NTM: variants seen among roughly 807,000 people sequenced by gnomAD.
NTM encodes neurotrimin.
A neutral mutation model predicts 42.1 loss-of-function variants in NTM; 13 were observed. The ratio of observed to expected loss-of-function variants is 0.31; its 90% CI spans 0.20 to 0.49. The LOEUF is 0.49. Ranked by LOEUF, NTM falls within the 20% of genes least tolerant of loss-of-function variation. NTM has a pLI of 0.99. For synonymous variants in NTM, 187 were observed against 179.2 expected (o/e 1.04, Z -0.35); for missense variants, 373 against 452.8 (o/e 0.82, Z 1.60).
At chr11:131,971,022 C>T (rs1039991298) in intron 2 of NTM, among the ~76,000 whole-genome samples, 2 of 152,196 alleles carry the variant, frequency 1.3e-5, no homozygotes, top group East Asian at 3.8e-4. Flanking sequence ...CTAACCCAAA[C>T]AAGCCTATGA....
chr11:131,613,309 G>A (rs560785626), intron 1 of NTM, among the ~76,000 whole-genome samples: 25 of 152,070 alleles, frequency 1.6e-4, no homozygotes, highest in South Asian at 4.2e-4. Flanking sequence ...GCCTGACTTC[G>A]TAGTTTGCCC....
intron 1 of NTM, among the ~76,000 whole-genome samples, chr11:131,572,126 G>A (rs371406948): frequency 7.0e-4 from 107 of 152,240 alleles, no homozygotes; most frequent in African/African-American, 2.4e-3. Flanking sequence ...GTGTGTAGCC[G>A]GGTGCCCTCT....
intron 3 of NTM, among the ~76,000 whole-genome samples, chr11:132,166,844 C>G (rs149804702): frequency 6.6e-6 from 1 of 152,194 alleles, no homozygotes; most frequent in Non-Finnish European, 1.5e-5. Context: ...TTTCTGGATC[C>G]TGCCTGCCTC....
intron 3 of NTM, among the ~76,000 whole-genome samples, chr11:132,150,413 G>A (rs2071605776): frequency 6.6e-6 from 1 of 152,156 alleles, no homozygotes; most frequent in South Asian, 2.1e-4. Flanking sequence ...GAGAACATTT[G>A]TGTGAACTTC....
intron 1 of NTM, among the ~76,000 whole-genome samples, chr11:131,793,101 A>G (rs1401444796): frequency 1.3e-5 from 2 of 152,194 alleles, no homozygotes. Context: ...TAGTATTTCC[A>G]TGATCGATCT....
intron 2 of NTM, among the ~76,000 whole-genome samples, chr11:131,993,866 G>A (rs148122659): frequency 0.027 from 4,090 of 151,890 alleles, 112 homozygotes; most frequent in Admixed American, 0.068. Context: ...AGCTGGGTGC[G>A]GTGGTGTGTG....
At chr11:132,278,307 C>T (rs368040134) in intron 4 of NTM, among the ~76,000 whole-genome samples, 16 of 152,340 alleles carry the variant, frequency 1.1e-4, no homozygotes, top group Middle Eastern at 3.4e-3. Flanking sequence ...AGGGATCAAC[C>T]TATCTCTGTT....
At chr11:131,401,347 G>A (rs1362626638) in intron 1 of NTM, among the ~76,000 whole-genome samples, 1 of 151,924 alleles carries the variant, frequency 6.6e-6, no homozygotes, top group African/African-American at 2.4e-5. Flanking sequence ...TGTTTCCTTG[G>A]GTGAAAACAT....
At chr11:131,777,871 T>A (rs952464266) in intron 1 of NTM, among the ~76,000 whole-genome samples, 3 of 152,312 alleles carry the variant, frequency 2.0e-5, no homozygotes, top group South Asian at 4.1e-4. Flanking sequence ...AATTGATAAT[T>A]GCCTATGGGA....
intron 3 of NTM, among the ~76,000 whole-genome samples, chr11:132,153,132 T>C (rs1017378634): frequency 1.3e-5 from 2 of 152,166 alleles, no homozygotes; most frequent in African/African-American, 4.8e-5. Context: ...TCTTACCCCT[T>C]AGGTGCTTTT....
At chr11:131,874,001 A>ATAT (rs2048183426) in intron 1 of NTM, among the ~76,000 whole-genome samples, 3 of 80,370 alleles carry the variant, frequency 3.7e-5, no homozygotes, top group East Asian at 4.3e-4. Flanking sequence ...TATTATATTT[A>ATAT]CATATAATAT....
chr11:132,265,864 A>G (rs2093152363), intron 4 of NTM, among the ~76,000 whole-genome samples: 2 of 152,222 alleles, frequency 1.3e-5, no homozygotes, highest in Admixed American at 1.3e-4. Flanking sequence ...AGAGGAGTTA[A>G]GTAGAAAGCC....
chr11:131,684,320 G>A (rs750693286), intron 1 of NTM, among the ~76,000 whole-genome samples: 85 of 152,234 alleles, frequency 5.6e-4, no homozygotes, highest in East Asian at 3.9e-4. Flanking sequence ...GGCAAGTGAC[G>A]TCTCTGAGAT....
intron 1 of NTM, among the ~76,000 whole-genome samples, chr11:131,747,816 G>C (rs1591574590): frequency 6.6e-6 from 1 of 152,214 alleles, no homozygotes; most frequent in South Asian, 2.1e-4. Context: ...ACATTGTATT[G>C]TCTTTGCATA....
intron 5 of NTM, among the ~76,000 whole-genome samples, chr11:132,309,063 C>T (rs2095195544): frequency 6.6e-6 from 1 of 152,204 alleles, no homozygotes. Flanking sequence ...GGGAGAAACA[C>T]TGCTTTTCGT....
intron 2 of NTM, among the ~76,000 whole-genome samples, chr11:131,938,511 C>T (rs889047861): frequency 2.0e-5 from 3 of 152,194 alleles, no homozygotes; most frequent in Non-Finnish European, 2.9e-5. Flanking sequence ...TTGTGCCAGG[C>T]CTTGCTGGCA....
intron 1 of NTM, among the ~76,000 whole-genome samples, chr11:131,455,774 T>C (rs756888284): frequency 6.6e-6 from 1 of 152,178 alleles, no homozygotes; most frequent in Non-Finnish European, 1.5e-5. Flanking sequence ...CAAGGAGGAC[T>C]GTCAGCAAGG....
At chr11:131,509,703 C>G (rs973317012) in intron 1 of NTM, among the ~76,000 whole-genome samples, 1 of 152,156 alleles carries the variant, frequency 6.6e-6, no homozygotes, top group Non-Finnish European at 1.5e-5. Flanking sequence ...ACAGTTTCAC[C>G]GCAGTGTCTT....
intron 3 of NTM, among the ~76,000 whole-genome samples, chr11:132,149,590 A>G (rs772201013): frequency 1.8e-4 from 27 of 152,164 alleles, no homozygotes; most frequent in Non-Finnish European, 3.7e-4. Context: ...CTTTCCCCTT[A>G]CTGTCAAATA....
Sources: allele counts gnomAD v4.1 joint callset (sites outside exome capture counted in the v4.1 genomes callset), GRCh38; gene constraint gnomAD v4.1.1; transcripts MANE v1.5; gene names NCBI Gene and HGNC (gene_info 2026-07-23, HGNC 2026-07-21).